Variants in TPD52 observed in about 807,000 individuals in gnomAD.
The protein encoded by TPD52 is prostate and colon associated protein.
TPD52 carries 17 observed loss-of-function variants against 31.3 expected under a neutral mutation model. That is an observed-to-expected ratio of 0.54 (90% CI 0.37 to 0.82). TPD52 has a LOEUF of 0.82. TPD52 is among the 40% of genes least tolerant of loss of function. The pLI is 0.00. For synonymous variants in TPD52, 83 were observed against 89.6 expected (o/e 0.93, Z 0.42); for missense variants, 212 against 240.1 (o/e 0.88, Z 0.77).
Position 80,063,669 on chromosome 8 carries a change from C to T in TPD52, c.135+809G>A, listed in dbSNP as rs187853387. 2.5e-3 allele frequency among the ~76,000 whole-genome samples: 372 copies of T among 151,628 alleles called. 2 individuals are homozygous for T. The highest frequency in any genetic ancestry group is 8.2e-3 in the African/African-American group (337 of 41,318). ...AAAATTAGCTGAGCACAGTGGCAGA[C>T]GCCTGTAATCCCAGCTACTCAGGAG... On this transcript the variant is annotated intron_variant, in intron 2 of 7. Coordinates refer to ENST00000518937, the MANE Select transcript of TPD52 (RefSeq NM_001025253.3).
chr8:80,087,601 C>T (rs779377698), intron 1 of TPD52, among the ~76,000 whole-genome samples: 3 of 152,218 alleles, frequency 2.0e-5, no homozygotes, highest in East Asian at 1.9e-4. Flanking sequence ...GGGGCAGGGC[C>T]TAATGGGACT....
intron 1 of TPD52, among the ~76,000 whole-genome samples, chr8:80,159,948 C>T (rs1426147): frequency 0.45 from 68,289 of 152,008 alleles, 15,543 homozygotes; most frequent in East Asian, 0.71. Context: ...CCCAGCACTT[C>T]GGTAGGCCGA....
rs1416003851 is a variant in TPD52, at chr8:80,053,430, C to T, written c.136G>A (p.Val46Ile). The T allele has an allele frequency of 6.2e-7, 1 of 1,612,706 alleles. No homozygotes were observed. Among genetic ancestry groups the T allele is most frequent in the Non-Finnish European group, 8.5e-7 (1 of 1,179,356 alleles). ...QEELRRELAK[V>I]EEEIQTLSQV... ...GACAGAGTCTGGATTTCTTCTTCTACCTATGAGGAAGGGGTTTGGGGTAAG... is the reference window on the plus strand; with the variant it reads ...GACAGAGTCTGGATTTCTTCTTCTATCTATGAGGAAGGGGTTTGGGGTAAG... Residue 46 changes from valine (V) to isoleucine (I), a missense_variant and splice_region_variant, in exon 3 of 8, where the codon GTA (valine) becomes ATA (isoleucine). Val to Ile is a conservative substitution (Grantham distance 29, BLOSUM62 3). Transcript: ENST00000518937.
chr8:80,154,792 C>A (rs1810837395), intron 1 of TPD52, among the ~76,000 whole-genome samples: 1 of 148,520 alleles, frequency 6.7e-6, no homozygotes. Flanking sequence ...ATGAAATTAA[C>A]TAATAAATAA....
Position 80,038,204 on chromosome 8 carries a change from C to T in TPD52, c.536G>A (p.Gly179Asp). The change falls in exon 8 of 8, where the codon GGT (glycine) becomes GAT (aspartate). Residue 179 changes from glycine to aspartate, a missense_variant. Coordinates refer to ENST00000518937, the MANE Select transcript of TPD52 (RefSeq NM_001025253.3). ...CGAATTCAAGACTTCTCCAAAATCA[C>T]CACCAGCAGGCTTGGTTCCCCCTAC... Reference protein sequence around the residue: ...SKVGGTKPAGGDFGEVLNSAA... With the variant: ...SKVGGTKPAGDDFGEVLNSAA... The T allele has an allele frequency of 6.2e-7, 1 of 1,614,080 alleles. No individual in the cohort carries two copies. Among genetic ancestry groups the T allele is most frequent in the Non-Finnish European group, 8.5e-7 (1 of 1,179,982 alleles).
intron 1 of TPD52, among the ~76,000 whole-genome samples, chr8:80,135,157 A>G (rs1172623284): frequency 6.6e-6 from 1 of 152,248 alleles, no homozygotes; most frequent in Non-Finnish European, 1.5e-5. Flanking sequence ...GACCCAGTGA[A>G]TTTAATTGTA....
At chr8:80,074,305 G>A (rs1212093885) in intron 1 of TPD52, among the ~76,000 whole-genome samples, 2 of 152,212 alleles carry the variant, frequency 1.3e-5, no homozygotes, top group African/African-American at 2.4e-5. Context: ...TATCTTTAGT[G>A]GTAACATCCA....
At chr8:80,039,775 A>T (rs181467336) in intron 7 of TPD52, among the ~76,000 whole-genome samples, 320 of 152,034 alleles carry the variant, frequency 2.1e-3, no homozygotes, top group Non-Finnish European at 3.9e-3. Flanking sequence ...AACTTCAAAC[A>T]TTCCCTTCAA....
chr8:80,038,384 G>T, intron 7 of TPD52, 149 bp from the exon 8 acceptor site: 1 of 825,530 alleles, frequency 1.2e-6, no homozygotes, highest in Non-Finnish European at 1.8e-6. Context: ...ATTTAGTATT[G>T]TTGCAATGTT....
intron 1 of TPD52, among the ~76,000 whole-genome samples, chr8:80,071,405 G>A (rs570100885): frequency 7.2e-5 from 11 of 152,192 alleles, no homozygotes; most frequent in South Asian, 6.2e-4. Context: ...CCTGGCAATT[G>A]CTTCTCTCTC....
intron 1 of TPD52, among the ~76,000 whole-genome samples, chr8:80,074,655 G>A (rs1393745127): frequency 6.6e-6 from 1 of 152,168 alleles, no homozygotes; most frequent in Non-Finnish European, 1.5e-5. Context: ...CTACAAACAT[G>A]GTCAAATGCC....
At chr8:80,171,138 C>G (rs374103463) in intron 1 of TPD52, 1 of 686,058 alleles carries the variant, frequency 1.5e-6, no homozygotes, top group African/African-American at 1.8e-5. Flanking sequence ...CGGCCGCCAG[C>G]CCCTGACGCT....
intron 1 of TPD52, among the ~76,000 whole-genome samples, chr8:80,065,245 A>G (rs1812990490): frequency 6.8e-6 from 1 of 146,514 alleles, no homozygotes; most frequent in African/African-American, 2.5e-5. Context: ...ATATATGATG[A>G]TATAGATGAT....
chr8:80,122,312 A>G (rs1433281127), intron 1 of TPD52, among the ~76,000 whole-genome samples: 2 of 152,202 alleles, frequency 1.3e-5, no homozygotes, highest in African/African-American at 4.8e-5. Flanking sequence ...GTGAATGGGT[A>G]GCTGAGTAAG....
chr8:80,152,174 G>GC lies in TPD52; in HGVS notation c.19+19250dup, dbSNP rs35354946. Among the ~76,000 whole-genome samples the GC allele has an allele frequency of 1.6e-3, 236 of 151,876 alleles. 3 individuals carry two copies. Among genetic ancestry groups the GC allele is most frequent in the South Asian group, 1.0e-2 (48 of 4,806 alleles). ...GGAGAAGATCAGACCTGCCTTTCAT[G>GC]CCCCCCCGACCCCAGGAGCAGGAGG... On this transcript the variant is annotated intron_variant, in intron 1 of 7. Transcript: ENST00000518937.
At chr8:80,090,373 A>G (rs1443194641) in intron 1 of TPD52, among the ~76,000 whole-genome samples, 1 of 152,188 alleles carries the variant, frequency 6.6e-6, no homozygotes, top group African/African-American at 2.4e-5. Flanking sequence ...TCTTTAAAAA[A>G]CAAATAAATA....
chr8:80,166,854 C>T (rs1327828759), intron 1 of TPD52, among the ~76,000 whole-genome samples: 2 of 151,746 alleles, frequency 1.3e-5, no homozygotes, highest in African/African-American at 2.4e-5. Context: ...TGCAGTGAGC[C>T]GAGATCACGC....
At chr8:80,149,351 G>T (rs1024053787) in intron 1 of TPD52, among the ~76,000 whole-genome samples, 1 of 152,072 alleles carries the variant, frequency 6.6e-6, no homozygotes, top group African/African-American at 2.4e-5. Flanking sequence ...CTTCTCATTC[G>T]CCTTCCACCA....
chr8:80,108,402 C>A (rs1282485439), intron 1 of TPD52, among the ~76,000 whole-genome samples: 1 of 152,080 alleles, frequency 6.6e-6, no homozygotes, highest in Non-Finnish European at 1.5e-5. Flanking sequence ...TGTTGTATGT[C>A]ACAGAAAATA....
Sources: gnomAD v4.1 joint callset for allele counts (sites outside exome capture counted in the v4.1 genomes callset) on GRCh38, gnomAD v4.1.1 for gene constraint, MANE v1.5 for transcripts, NCBI Gene and HGNC (gene_info 2026-07-23, HGNC 2026-07-21) for gene names.